FER: variants seen among roughly 807,000 people sequenced by gnomAD.
FER encodes FER tyrosine kinase, also known as tyrosine-protein kinase Fer.
Under a neutral mutation model 111.0 loss-of-function variants are expected in FER, and 63 were observed. The observed-to-expected ratio is 0.57, with a 90% CI of 0.46 to 0.70. The LOEUF (loss-of-function observed/expected upper bound fraction) is 0.70. Ranked by LOEUF, FER falls within the 30% of genes least tolerant of loss-of-function variation. FER has a pLI of 0.00. For missense variants in FER, 914 were observed against 954.0 expected, an observed-to-expected ratio of 0.96 and a Z score of 0.55; for synonymous variants, 327 against 313.9, an observed-to-expected ratio of 1.04 and a Z score of -0.44.
intron 13 of FER, among the ~76,000 whole-genome samples, chr5:108,984,461 T>A (rs758080333): frequency 1.7e-4 from 26 of 152,050 alleles, no homozygotes; most frequent in Non-Finnish European, 3.7e-4. Flanking sequence ...GTTTGAAGGA[T>A]CATCAAAGCA....
At chr5:109,111,033 CT>C (rs747505453) in intron 17 of FER, among the ~76,000 whole-genome samples, 16 of 152,068 alleles carry the variant, frequency 1.1e-4, no homozygotes, top group Non-Finnish European at 2.1e-4. Flanking sequence ...CACTCAGAGT[CT>C]TAGCTACAGT....
At chr5:108,938,045 C>A in intron 10 of FER, among the ~76,000 whole-genome samples, 1 of 149,482 alleles carries the variant, frequency 6.7e-6, no homozygotes, top group African/African-American at 2.5e-5. Flanking sequence ...CACACACACA[C>A]ACACACACAC....
intron 13 of FER, among the ~76,000 whole-genome samples, chr5:109,035,397 G>A (rs1260323011): frequency 2.0e-5 from 3 of 152,158 alleles, no homozygotes; most frequent in Non-Finnish European, 2.9e-5. Context: ...TAGTATCTAT[G>A]TATGTAAAGT....
chr5:108,849,097 A>G (rs1367420773), intron 5 of FER, among the ~76,000 whole-genome samples: 2 of 152,016 alleles, frequency 1.3e-5, no homozygotes, highest in South Asian at 2.1e-4. Context: ...GTTTTAAGCA[A>G]TTCTATCATG....
At chr5:109,023,206 T>C (rs62377126) in intron 13 of FER, among the ~76,000 whole-genome samples, 23,156 of 151,958 alleles carry the variant, frequency 0.15, 1,930 homozygotes, top group Non-Finnish European at 0.18. Context: ...TTTTCCCTGA[T>C]GCATTGTATG....
chr5:108,783,155 A>G (rs1754288492), intron 2 of FER, among the ~76,000 whole-genome samples: 1 of 150,042 alleles, frequency 6.7e-6, no homozygotes, highest in African/African-American at 2.5e-5. Flanking sequence ...AATTTTTTCT[A>G]TTTTTTTCTG....
At chr5:109,122,755 G>T (rs1434594123) in intron 17 of FER, among the ~76,000 whole-genome samples, 1 of 151,888 alleles carries the variant, frequency 6.6e-6, no homozygotes, top group Admixed American at 6.6e-5. Context: ...TCAAGTGTTG[G>T]GTGCATACAT....
At chr5:109,129,386 T>C (rs1024308547) in intron 17 of FER, among the ~76,000 whole-genome samples, 1 of 152,056 alleles carries the variant, frequency 6.6e-6, no homozygotes, top group Non-Finnish European at 1.5e-5. Context: ...TATACTTGTT[T>C]ACCTTTAACT....
intron 10 of FER, among the ~76,000 whole-genome samples, chr5:108,938,140 A>G (rs1174412615): frequency 6.6e-6 from 1 of 151,596 alleles, no homozygotes; most frequent in Non-Finnish European, 1.5e-5. Flanking sequence ...TCAGAGATCC[A>G]TTAGGTTCTT....
chr5:108,916,550 A>C (rs998953747), intron 10 of FER, among the ~76,000 whole-genome samples: 4 of 152,104 alleles, frequency 2.6e-5, no homozygotes, highest in African/African-American at 9.7e-5. Context: ...TAGTTACTTC[A>C]ATTATCTATT....
chr5:109,052,219 A>G (rs1306197501), intron 16 of FER: 10 of 1,606,690 alleles, frequency 6.2e-6, no homozygotes, highest in African/African-American at 1.3e-5. Context: ...TATGATCTGC[A>G]GGACCCAGAA....
intron 19 of FER, among the ~76,000 whole-genome samples, chr5:109,187,009 A>C (rs1024709478): frequency 3.9e-5 from 6 of 152,186 alleles, no homozygotes; most frequent in African/African-American, 1.4e-4. Flanking sequence ...ACTCATATTC[A>C]TTTTTATTTC....
intron 4 of FER, among the ~76,000 whole-genome samples, chr5:108,835,473 G>A (rs939845502): frequency 6.6e-6 from 1 of 152,038 alleles, no homozygotes; most frequent in Admixed American, 6.5e-5. Flanking sequence ...GTGAGCCACC[G>A]TGCCTGGCCT....
intron 10 of FER, among the ~76,000 whole-genome samples, chr5:108,925,575 C>T (rs1205247759): frequency 6.6e-6 from 1 of 152,054 alleles, no homozygotes; most frequent in Non-Finnish European, 1.5e-5. Flanking sequence ...TATTTAATGC[C>T]TCTCTTTTTT....
In FER at chr5:109,193,904, A is replaced by C. The variant is rs1759552740; in HGVS notation, c.*6329A>C. On this transcript the variant is annotated 3_prime_UTR_variant, in exon 20 of 20. Coordinates refer to ENST00000281092, the MANE Select transcript of FER (RefSeq NM_005246.4). ...CACTCAGTATGTGATAAGCCCCATGATGGATGCAGGTTAGAATTCAAAGAC... is the reference window on the plus strand; with the variant it reads ...CACTCAGTATGTGATAAGCCCCATGCTGGATGCAGGTTAGAATTCAAAGAC... 6.6e-6 allele frequency: 1 copy of C among 151,634 alleles called. No homozygotes were observed. Among genetic ancestry groups the C allele is most frequent in the Non-Finnish European group, 1.5e-5 (1 of 68,024 alleles). 9.4% of individuals were successfully genotyped at this position (151,634 alleles called of 1,614,324 possible).
At chr5:108,896,406 T>G (rs945345534) in intron 9 of FER, among the ~76,000 whole-genome samples, 4 of 152,204 alleles carry the variant, frequency 2.6e-5, no homozygotes, top group African/African-American at 9.6e-5. Flanking sequence ...GTCTGTGGAT[T>G]TAGAACACAG....
intron 16 of FER, among the ~76,000 whole-genome samples, chr5:109,082,258 C>T (rs146676367): frequency 4.2e-4 from 64 of 152,138 alleles, no homozygotes; most frequent in African/African-American, 1.5e-3. Flanking sequence ...AGCTGAAGAG[C>T]TTACTGTGTG....
chr5:108,792,334 C>G (rs2150027860), intron 2 of FER, among the ~76,000 whole-genome samples: 1 of 152,214 alleles, frequency 6.6e-6, no homozygotes, highest in Middle Eastern at 3.4e-3. Flanking sequence ...TTACTTAGTT[C>G]TTTTAAAATT....
At chr5:108,923,063 G>T (rs963319486) in intron 10 of FER, among the ~76,000 whole-genome samples, 5 of 152,086 alleles carry the variant, frequency 3.3e-5, no homozygotes, top group South Asian at 2.1e-4. Context: ...GTAAACTAGG[G>T]TTTGTAACAG....
Sources: gnomAD v4.1 joint callset for allele counts (sites outside exome capture counted in the v4.1 genomes callset) on GRCh38, gnomAD v4.1.1 for gene constraint, MANE v1.5 for transcripts, NCBI Gene and HGNC (gene_info 2026-07-23, HGNC 2026-07-21) for gene names.